Variants in PTPRE observed in about 807,000 individuals in gnomAD.
PTPRE encodes protein tyrosine phosphatase receptor type E.
PTPRE carries 51 observed loss-of-function variants against 102.0 expected under a neutral mutation model. The ratio of observed to expected loss-of-function variants is 0.50; its 90% CI spans 0.40 to 0.63. The LOEUF (loss-of-function observed/expected upper bound fraction) is 0.63, where lower values mean the gene tolerates loss of function less well. PTPRE is among the 30% of genes least tolerant of loss of function. The pLI is 0.00. For synonymous variants in PTPRE, 345 were observed against 348.2 expected (o/e 0.99, Z 0.10); for missense variants, 752 against 915.1 (o/e 0.82, Z 2.30).
chr10:128,043,320 A>G (rs374611023), intron 3 of PTPRE, among the ~76,000 whole-genome samples: 1 of 152,202 alleles, frequency 6.6e-6, no homozygotes, highest in Non-Finnish European at 1.5e-5. Flanking sequence ...GGAGACAGTG[A>G]CAGATCACCA....
chr10:127,923,313 A>G (rs185756219), intron 1 of PTPRE, among the ~76,000 whole-genome samples: 71 of 152,086 alleles, frequency 4.7e-4, no homozygotes, highest in African/African-American at 1.7e-3. Flanking sequence ...AGTCTTGGCT[A>G]TCCAGAGCGA....
chr10:127,927,445 T>C (rs561336760), intron 1 of PTPRE, among the ~76,000 whole-genome samples: 2 of 152,254 alleles, frequency 1.3e-5, no homozygotes, highest in South Asian at 4.1e-4. Flanking sequence ...TTTTCTCAGT[T>C]TTAATGTATG....
At chr10:127,952,436 C>T (rs1374811873) in intron 1 of PTPRE, among the ~76,000 whole-genome samples, 1 of 145,162 alleles carries the variant, frequency 6.9e-6, no homozygotes, top group East Asian at 2.1e-4. Flanking sequence ...CTATTCTTAT[C>T]AGCCTGCCCA....
chr10:128,021,959 A>G (rs1183068054), intron 2 of PTPRE, among the ~76,000 whole-genome samples: 1 of 152,170 alleles, frequency 6.6e-6, no homozygotes, highest in African/African-American at 2.4e-5. Flanking sequence ...CTGATCCTAG[A>G]GTATGCATTC....
In PTPRE at chr10:128,077,714, T is replaced by C; in HGVS notation, c.1823T>C (p.Ile608Thr). ...IGIPAEGKGM[I>T]DLIAAVQKQQ... Reference sequence around the variant, plus strand: ...ATTCCCGCCGAGGGCAAAGGCATGATTGACCTCATCGCAGCCGTGCAGAAG... The same window carrying C: ...ATTCCCGCCGAGGGCAAAGGCATGACTGACCTCATCGCAGCCGTGCAGAAG... Residue 608 changes from isoleucine (I) to threonine (T), a missense_variant, in exon 19 of 21, where the codon ATT (isoleucine) becomes ACT (threonine). Around this residue, in one of 2 missense-constraint regions of PTPRE, gnomAD observed 636 missense variants for 824.4 expected, o/e 0.77. Coordinates refer to ENST00000254667, the MANE Select transcript of PTPRE (RefSeq NM_006504.6). 2 of 1,613,670 alleles carry C rather than the reference T, an allele frequency of 1.2e-6. No individual in the cohort carries two copies. Among genetic ancestry groups the C allele is most frequent in the South Asian group, 1.1e-5 (1 of 91,086 alleles).
In PTPRE at chr10:127,992,360, T is replaced by TGG. The variant is rs577714440; in HGVS notation, c.-8+10064_-8+10065insGG. On this transcript the variant is annotated intron_variant, in intron 2 of 20. Coordinates refer to ENST00000254667, the MANE Select transcript of PTPRE (RefSeq NM_006504.6). Reference sequence around the variant, plus strand: ...CAGTGGAGTCACCTCTGCAAGGCTCTAGGGTTCTCGCCATCCAGGTTGGGC... The same window carrying TGG: ...CAGTGGAGTCACCTCTGCAAGGCTCTGGAGGGTTCTCGCCATCCAGGTTGGGC... 8.6e-3 allele frequency among the ~76,000 whole-genome samples: 1,304 copies of TGG among 152,270 alleles called. 7 individuals carry two copies. The highest frequency in any genetic ancestry group is 0.014 in the Non-Finnish European group (944 of 68,000).
intron 1 of PTPRE, among the ~76,000 whole-genome samples, chr10:127,955,678 A>G (rs1325770437): frequency 2.6e-5 from 4 of 152,226 alleles, no homozygotes; most frequent in African/African-American, 9.6e-5. Context: ...TTTCTGAAGA[A>G]GGAATTATAT....
At position 128,028,147 on chromosome 10, in the gene PTPRE, G is replaced by A. The variant is rs915685141; in HGVS notation, c.-7-12728G>A. On this transcript the variant is annotated intron_variant, in intron 2 of 20. Coordinates refer to ENST00000254667, the MANE Select transcript of PTPRE (RefSeq NM_006504.6). This position sits in a 1 kb window ranked among gnomAD's most constrained non-coding sequence, Gnocchi z 4.5. ...AGAACACTGTACTTCGCCAGCCTGC[G>A]GCAGACACATTATTCACAGAACTTT... Among the ~76,000 whole-genome samples, 2 of 152,214 alleles carry A rather than the reference G, an allele frequency of 1.3e-5. No individual in the cohort carries two copies. Among genetic ancestry groups the A allele is most frequent in the Admixed American group, 6.5e-5 (1 of 15,286 alleles).
At chr10:128,007,901 G>A (rs1361517250) in intron 2 of PTPRE, among the ~76,000 whole-genome samples, 4 of 152,186 alleles carry the variant, frequency 2.6e-5, no homozygotes, top group Admixed American at 6.5e-5. Flanking sequence ...GTACATGATT[G>A]TCTCTGAAAT....
chr10:128,020,543 G>A (rs1415076884), intron 2 of PTPRE, among the ~76,000 whole-genome samples: 6 of 152,070 alleles, frequency 3.9e-5, no homozygotes, highest in Admixed American at 1.3e-4. Flanking sequence ...AACCCTGGAC[G>A]TATTCTCTTC....
At chr10:127,927,970 A>G (rs1847152103) in intron 1 of PTPRE, among the ~76,000 whole-genome samples, 1 of 152,246 alleles carries the variant, frequency 6.6e-6, no homozygotes, top group African/African-American at 2.4e-5. Context: ...AGTATAAAAC[A>G]CAGAAATCAT....
chr10:128,060,100 ACAC>A (rs1329168309), intron 7 of PTPRE, among the ~76,000 whole-genome samples: 2 of 115,964 alleles, frequency 1.7e-5, no homozygotes, highest in African/African-American at 6.8e-5. Context: ...ACACACACAC[ACAC>A]TACACATACA....
At chr10:128,053,203 A>G (rs1848685055) in intron 6 of PTPRE, among the ~76,000 whole-genome samples, 2 of 152,326 alleles carry the variant, frequency 1.3e-5, no homozygotes, top group Admixed American at 1.3e-4. Context: ...GTGAGTCGAG[A>G]TCGCGCCACT....
At chr10:127,945,201 A>G (rs1351470956) in intron 1 of PTPRE, among the ~76,000 whole-genome samples, 1 of 152,204 alleles carries the variant, frequency 6.6e-6, no homozygotes. Context: ...AAGAGTGAAT[A>G]TGGATCTGGG....
intron 20 of PTPRE, 25 bp from the exon 21 acceptor site, chr10:128,082,806 TA>T: frequency 6.5e-7 from 1 of 1,541,068 alleles, no homozygotes; most frequent in East Asian, 2.4e-5. Context: ...AATATCATTT[TA>T]ATGTGTCCTT....
At chr10:128,043,139 G>T (rs1047134724) in intron 3 of PTPRE, among the ~76,000 whole-genome samples, 1 of 152,126 alleles carries the variant, frequency 6.6e-6, no homozygotes, top group Non-Finnish European at 1.5e-5. Flanking sequence ...GAATTGGGGT[G>T]GGGGGTGGTT....
At chr10:128,010,596 C>CTTTTCTTTTCTTTTCTTTTCTTT (rs1844924794) in intron 2 of PTPRE, among the ~76,000 whole-genome samples, 1 of 150,220 alleles carries the variant, frequency 6.7e-6, no homozygotes, top group Non-Finnish European at 1.5e-5. Context: ...CTTTTCTTTC[C>CTTTTCTTTTCTTTTCTTTTCTTT]TTTTGAGATG....
At chr10:128,044,044 G>C (rs1032246716) in intron 3 of PTPRE, among the ~76,000 whole-genome samples, 5 of 152,190 alleles carry the variant, frequency 3.3e-5, no homozygotes, top group African/African-American at 9.7e-5. Context: ...TAGATGAAAC[G>C]AGAGGAGTAG....
chr10:127,962,825 C>T (rs187135708), intron 1 of PTPRE, among the ~76,000 whole-genome samples: 73 of 152,336 alleles, frequency 4.8e-4, no homozygotes, highest in African/African-American at 1.6e-3. Context: ...CCCCAGCCCC[C>T]GCAATGTCCA....
Sources: allele counts gnomAD v4.1 joint callset (sites outside exome capture counted in the v4.1 genomes callset), GRCh38; gene constraint gnomAD v4.1.1; regional missense constraint gnomAD v4.1.1; non-coding constraint Gnocchi (gnomAD v3.1); transcripts MANE v1.5; gene names NCBI Gene and HGNC (gene_info 2026-07-23, HGNC 2026-07-21).